The following NREP variants were observed in gnomAD, a reference collection of about 807,000 sequenced individuals.
The protein encoded by NREP is neuronal regeneration-related protein.
In NREP, 5 loss-of-function variants were observed where a neutral mutation model predicts 8.6. The ratio of observed to expected loss-of-function variants is 0.58; its 90% CI spans 0.30 to 1.22. NREP has a LOEUF of 1.22. Among genes scored for constraint, NREP ranks in the 50% most tolerant of loss-of-function variants. NREP has a pLI of 0.07. For missense variants in NREP, 86 were observed against 82.5 expected (o/e 1.04, Z -0.17); for synonymous variants, 27 against 28.0 (o/e 0.96, Z 0.11).
chr5:111,921,670 C>A (rs1755244005), intron 2 of NREP, among the ~76,000 whole-genome samples: 1 of 152,012 alleles, frequency 6.6e-6, no homozygotes. Flanking sequence ...GGTTGCTAGT[C>A]CTTCAGCCCT....
intron 2 of NREP, among the ~76,000 whole-genome samples, chr5:111,876,292 G>A (rs981192556): frequency 6.6e-6 from 1 of 152,108 alleles, no homozygotes; most frequent in African/African-American, 2.4e-5. Context: ...TTGTTACAAG[G>A]CAAGTTCTGG....
intron 2 of NREP, among the ~76,000 whole-genome samples, chr5:111,844,950 T>TTA (rs2112953539): frequency 6.6e-6 from 1 of 151,858 alleles, no homozygotes; most frequent in South Asian, 2.1e-4. Flanking sequence ...CTAATAAATA[T>TTA]TATATATATA....
chr5:111,866,500 G>T (rs1753667487), intron 2 of NREP, among the ~76,000 whole-genome samples: 1 of 152,146 alleles, frequency 6.6e-6, no homozygotes, highest in Admixed American at 6.6e-5. Context: ...GGAAACAACA[G>T]GTGCTGGACA....
intron 2 of NREP, among the ~76,000 whole-genome samples, chr5:111,929,070 CTCT>C (rs1394719013): frequency 3.3e-5 from 5 of 152,206 alleles, no homozygotes; most frequent in Admixed American, 3.3e-4. Context: ...ATGGGTAACA[CTCT>C]TCTCCTCCTT....
At chr5:111,953,379 A>G (rs1392857233) in intron 2 of NREP, among the ~76,000 whole-genome samples, 1 of 152,106 alleles carries the variant, frequency 6.6e-6, no homozygotes, top group Non-Finnish European at 1.5e-5. Flanking sequence ...CTGGGTTTAG[A>G]ACCCTCTGAG....
intron 2 of NREP, among the ~76,000 whole-genome samples, chr5:111,889,203 A>G (rs1335573089): frequency 2.0e-5 from 3 of 152,232 alleles, no homozygotes; most frequent in Non-Finnish European, 4.4e-5. Flanking sequence ...GGGAGGCCCC[A>G]GGAAGCTTAC....
intron 2 of NREP, among the ~76,000 whole-genome samples, chr5:111,973,378 G>GA (rs1412318088): frequency 1.3e-5 from 2 of 152,056 alleles, no homozygotes; most frequent in Non-Finnish European, 2.9e-5. Context: ...GCTTTTTTGA[G>GA]AAAAAAGTAT....
At chr5:111,888,135 G>A (rs1313224498) in intron 2 of NREP, among the ~76,000 whole-genome samples, 1 of 152,192 alleles carries the variant, frequency 6.6e-6, no homozygotes, top group East Asian at 1.9e-4. Flanking sequence ...TAGAAATGCT[G>A]TCATGCTTTT....
chr5:111,898,316 T>G (rs1350958556), intron 2 of NREP, among the ~76,000 whole-genome samples: 1 of 152,102 alleles, frequency 6.6e-6, no homozygotes, highest in Non-Finnish European at 1.5e-5. Context: ...GTAAAAAAAT[T>G]AAAAAGACTC....
intron 2 of NREP, among the ~76,000 whole-genome samples, chr5:111,966,009 A>T (rs568621628): frequency 2.0e-5 from 3 of 152,330 alleles, no homozygotes; most frequent in Admixed American, 2.0e-4. Context: ...TCCCTCTAAG[A>T]TCCACAGATG....
chr5:111,884,105 G>A (rs1754169883), intron 2 of NREP, among the ~76,000 whole-genome samples: 1 of 151,976 alleles, frequency 6.6e-6, no homozygotes, highest in South Asian at 2.1e-4. Flanking sequence ...AAAGAGAGAA[G>A]AATCAAATAG....
At chr5:111,773,527 T>C (rs2112875341) in intron 2 of NREP, among the ~76,000 whole-genome samples, 1 of 152,340 alleles carries the variant, frequency 6.6e-6, no homozygotes, top group African/African-American at 2.4e-5. Context: ...TGAGGATTTA[T>C]CTTTAATAAA....
intron 2 of NREP, among the ~76,000 whole-genome samples, chr5:111,811,305 A>T (rs1001720817): frequency 2.0e-5 from 3 of 148,210 alleles, no homozygotes; most frequent in Non-Finnish European, 4.4e-5. Context: ...AAAATAAAAC[A>T]ATTATTAAGA....
intron 2 of NREP, chr5:111,739,554 G>T (rs1482572471): frequency 6.6e-6 from 1 of 152,182 alleles, no homozygotes; most frequent in Non-Finnish European, 1.5e-5. Flanking sequence ...CATCTATCTA[G>T]AGTCCATCTG....
At chr5:111,932,328 T>G (rs1406229090) in intron 2 of NREP, among the ~76,000 whole-genome samples, 1 of 152,032 alleles carries the variant, frequency 6.6e-6, no homozygotes, top group East Asian at 1.9e-4. Context: ...CAATATACAC[T>G]GAATGGAATG....
At chr5:111,804,228 T>C (rs1203003662) in intron 2 of NREP, among the ~76,000 whole-genome samples, 1 of 152,162 alleles carries the variant, frequency 6.6e-6, no homozygotes, top group Non-Finnish European at 1.5e-5. Flanking sequence ...AGAGAATATA[T>C]ATATGAAAAT....
Position 111,773,873 on chromosome 5 carries a change from C to T in NREP, c.136-38366G>A, listed in dbSNP as rs1167284273. Among the ~76,000 whole-genome samples the T allele has an allele frequency of 3.3e-5, 5 of 152,050 alleles. 1 individual carries two copies. Among genetic ancestry groups the T allele is most frequent in the African/African-American group, 9.7e-5 (4 of 41,394 alleles). ...GTACCCTGCTTGTAGAGAAATCTTG[C>T]GGGGCTTAGGGCAATCCCAAGAGTG... On this transcript the variant is annotated intron_variant, in intron 2 of 3. Transcript: ENST00000395634.
intron 2 of NREP, among the ~76,000 whole-genome samples, chr5:111,957,723 A>T (rs1340150106): frequency 6.6e-6 from 1 of 151,828 alleles, no homozygotes; most frequent in East Asian, 1.9e-4. Flanking sequence ...ACACACACAT[A>T]TATATCTGTA....
intron 2 of NREP, among the ~76,000 whole-genome samples, chr5:111,904,031 T>C (rs936886006): frequency 6.6e-6 from 1 of 152,142 alleles, no homozygotes; most frequent in African/African-American, 2.4e-5. Flanking sequence ...AGAAACATCT[T>C]AAGAATATTT....
Sources: gnomAD v4.1 joint callset for allele counts (sites outside exome capture counted in the v4.1 genomes callset) on GRCh38, gnomAD v4.1.1 for gene constraint, MANE v1.5 for transcripts, NCBI Gene and HGNC (gene_info 2026-07-23, HGNC 2026-07-21) for gene names.